The following SULT1E1 variants were observed in gnomAD, a reference collection of about 807,000 sequenced individuals.
SULT1E1 encodes the protein sulfotransferase family 1E member 1, also known as sulfotransferase 1E1.
Under a neutral mutation model 33.6 loss-of-function variants are expected in SULT1E1, and 36 were observed. That is an observed-to-expected ratio of 1.07 (90% CI 0.82 to 1.41). The LOEUF (loss-of-function observed/expected upper bound fraction) is 1.41, where lower values mean the gene tolerates loss of function less well. Among genes scored for constraint, SULT1E1 ranks in the 40% most tolerant of loss-of-function variants. SULT1E1 has a pLI of 0.00. For synonymous variants in SULT1E1, 121 were observed against 111.7 expected, an observed-to-expected ratio of 1.08 and a Z score of -0.53; for missense variants, 371 against 345.7, an observed-to-expected ratio of 1.07 and a Z score of -0.58.
chr4:69,848,429 C>A (rs1385497973), intron 5 of SULT1E1, among the ~76,000 whole-genome samples: 1 of 151,714 alleles, frequency 6.6e-6, no homozygotes, highest in African/African-American at 2.4e-5. Context: ...ATAAAGCTGA[C>A]AAAATAATAT....
At chr4:69,849,607 C>T (rs1232427317) in intron 4 of SULT1E1, 44 bp from the exon 5 acceptor site, 1 of 1,508,784 alleles carries the variant, frequency 6.6e-7, no homozygotes, top group Admixed American at 2.3e-5. Flanking sequence ...ACATTTTTTT[C>T]AAACAGTCTC....
downstream of SULT1E1, chr4:69,838,491 G>A (rs772270743): frequency 2.0e-5 from 3 of 152,302 alleles, no homozygotes; most frequent in Non-Finnish European, 4.4e-5. Context: ...TGGCTTACGA[G>A]GCTAAGGTAG....
chr4:69,845,688 A>G (rs1483103462), intron 6 of SULT1E1, among the ~76,000 whole-genome samples: 1 of 151,474 alleles, frequency 6.6e-6, no homozygotes, highest in Non-Finnish European at 1.5e-5. Flanking sequence ...ATTCAAATAT[A>G]GAGGAAACCT....
In SULT1E1 at chr4:69,852,105, C is replaced by G. The variant is rs567866915; in HGVS notation, c.369+2112G>C. On this transcript the variant is annotated intron_variant, in intron 4 of 7. Transcript: ENST00000226444. ...AACCTGCACATTGTGCACATGTACC[C>G]TAAAACTTGAAGTATAATTAAAAAA... 2.0e-5 allele frequency among the ~76,000 whole-genome samples: 3 copies of G among 152,164 alleles called. No homozygotes were observed. In the South Asian group the frequency reaches 6.2e-4, roughly 32 times the overall value.
intron 4 of SULT1E1, among the ~76,000 whole-genome samples, chr4:69,853,700 C>T (rs3775773): frequency 6.6e-6 from 1 of 152,138 alleles, no homozygotes; most frequent in Admixed American, 6.5e-5. Context: ...GTGTCTTACT[C>T]TTATGTCCCT....
At chr4:69,833,197 T>C in the SULT1E1 span, among the ~76,000 whole-genome samples, 4 of 152,122 alleles carry the variant, frequency 2.6e-5, no homozygotes, top group Admixed American at 6.5e-5. Context: ...TATTATGATG[T>C]TTTAGATGAG....
At chr4:69,827,061 A>G in the SULT1E1 span, among the ~76,000 whole-genome samples, 1 of 152,150 alleles carries the variant, frequency 6.6e-6, no homozygotes, top group Non-Finnish European at 1.5e-5. Flanking sequence ...GGCTCAACCC[A>G]GGTACATGTC....
At chr4:69,849,019 T>C (rs1721042584) in intron 5 of SULT1E1, 2 of 152,876 alleles carry the variant, frequency 1.3e-5, no homozygotes, top group Non-Finnish European at 2.9e-5. Flanking sequence ...ATATAGAACC[T>C]GGCAATTTTA....
At chr4:69,846,900 A>G (rs2110067472) in intron 6 of SULT1E1, among the ~76,000 whole-genome samples, 2 of 151,958 alleles carry the variant, frequency 1.3e-5, no homozygotes, top group East Asian at 3.9e-4. Flanking sequence ...TTTTAAGGCC[A>G]TAAAAAATTT....
At position 69,857,631 on chromosome 4, in the gene SULT1E1, A is replaced by G. The variant is rs759418370; in HGVS notation, c.14T>C (p.Leu5Pro). 19 of 1,601,502 alleles carry G rather than the reference A, an allele frequency of 1.2e-5. 1 individual carries two copies. The South Asian group carries it at 2.0e-4, about 17-fold the overall frequency. ...TTCTTCAAACTTTTCATAATAGTCAAGTTCAGAATTCATTGTGGTACACTG... is the reference window on the plus strand; with the variant it reads ...TTCTTCAAACTTTTCATAATAGTCAGGTTCAGAATTCATTGTGGTACACTG... MNSE[L>P]DYYEKFEEVH... The change falls in exon 2 of 8, where the codon CTT becomes CCT. Residue 5 changes from leucine to proline, a missense_variant. Coordinates refer to ENST00000226444, the MANE Select transcript of SULT1E1 (RefSeq NM_005420.3).
intron 5 of SULT1E1, 102 bp from the exon 6 acceptor site, chr4:69,847,894 A>C (rs949439194): frequency 3.2e-6 from 2 of 628,234 alleles, no homozygotes; most frequent in Admixed American, 2.9e-5. Flanking sequence ...ATAAATAGAT[A>C]ATCATGAAAT....
intron 2 of SULT1E1, 45 bp downstream of exon 2, chr4:69,857,455 G>C (rs1045094999): frequency 6.4e-7 from 1 of 1,567,708 alleles, no homozygotes; most frequent in East Asian, 2.2e-5. Context: ...CATTTACAGT[G>C]TGTTTGTTAT....
intron 7 of SULT1E1, among the ~76,000 whole-genome samples, chr4:69,842,843 CTT>C (rs889398582): frequency 7.3e-6 from 1 of 137,432 alleles, no homozygotes. Context: ...TTTTTTTTTT[CTT>C]TTTTTTTTGG....
chr4:69,849,780 C>G (rs1428818569), intron 4 of SULT1E1, among the ~76,000 whole-genome samples: 1 of 151,930 alleles, frequency 6.6e-6, no homozygotes, highest in Non-Finnish European at 1.5e-5. Flanking sequence ...TCACTACAAA[C>G]AGAACAACAT....
chr4:69,857,423 A>T (rs1375369192), intron 2 of SULT1E1, 77 bp downstream of exon 2: 1 of 1,498,774 alleles, frequency 6.7e-7, no homozygotes, highest in Non-Finnish European at 8.9e-7. Context: ...AGTGTGTACG[A>T]CATGAACACC....
chr4:69,821,607 A>G, the SULT1E1 span, among the ~76,000 whole-genome samples: 1 of 152,310 alleles, frequency 6.6e-6, no homozygotes, highest in Admixed American at 6.5e-5. Context: ...TCATATCTAG[A>G]TCATTCCATC....
intron 2 of SULT1E1, among the ~76,000 whole-genome samples, chr4:69,857,036 G>T (rs767090534): frequency 6.8e-6 from 1 of 147,570 alleles, no homozygotes; most frequent in Non-Finnish European, 1.5e-5. Context: ...GAAGAAATAT[G>T]AATTCGGACT....
At chr4:69,825,915 C>G in the SULT1E1 span, among the ~76,000 whole-genome samples, 1 of 152,170 alleles carries the variant, frequency 6.6e-6, no homozygotes, top group African/African-American at 2.4e-5. Context: ...TTTCTAGTTC[C>G]TCCTATAAGA....
At chr4:69,838,545 CT>C (rs548585356), downstream of SULT1E1, 130 of 152,290 alleles carry the variant, frequency 8.5e-4, no homozygotes, top group African/African-American at 3.0e-3. Flanking sequence ...TGACGCTGTA[CT>C]TTTACTGGAC....
Sources: allele counts gnomAD v4.1 joint callset (sites outside exome capture counted in the v4.1 genomes callset), GRCh38; gene constraint gnomAD v4.1.1; transcripts MANE v1.5; gene names NCBI Gene and HGNC (gene_info 2026-07-23, HGNC 2026-07-21).